Variants in SIPA1L1 observed in about 807,000 individuals in gnomAD.
SIPA1L1 encodes signal induced proliferation associated 1 like 1.
In SIPA1L1, 26 loss-of-function variants were observed where a neutral mutation model predicts 162.7. The ratio of observed to expected loss-of-function variants is 0.16; its 90% CI spans 0.12 to 0.22. The LOEUF (loss-of-function observed/expected upper bound fraction) is 0.22, where lower values mean the gene tolerates loss of function less well. Among genes scored for constraint, SIPA1L1 ranks in the 10% least tolerant of loss-of-function variants. The pLI is 1.00. For synonymous variants in SIPA1L1, 829 were observed against 837.4 expected, an observed-to-expected ratio of 0.99 and a Z score of 0.17; for missense variants, 1,874 against 2,241.0, an observed-to-expected ratio of 0.84 and a Z score of 3.31.
At chr14:71,544,599 T>C (rs529130059) in intron 4 of SIPA1L1, among the ~76,000 whole-genome samples, 29 of 152,328 alleles carry the variant, frequency 1.9e-4, no homozygotes, top group Middle Eastern at 3.4e-3. Context: ...TTTTGTCTTT[T>C]ACTTTTAGGT....
At chr14:71,324,989 G>A (rs952371428) in intron 2 of SIPA1L1, among the ~76,000 whole-genome samples, 2 of 152,170 alleles carry the variant, frequency 1.3e-5, no homozygotes, top group African/African-American at 2.4e-5. Context: ...ATCTGAGCCA[G>A]CAGAGAAGAA....
intron 2 of SIPA1L1, among the ~76,000 whole-genome samples, chr14:71,426,655 A>G (rs903486549): frequency 1.3e-5 from 2 of 151,730 alleles, no homozygotes; most frequent in Non-Finnish European, 2.9e-5. Context: ...ATGCCCAGCT[A>G]ATTTTTTTGT....
At chr14:71,401,606 T>A (rs2041677892) in intron 2 of SIPA1L1, among the ~76,000 whole-genome samples, 2 of 152,134 alleles carry the variant, frequency 1.3e-5, no homozygotes, top group East Asian at 3.8e-4. Context: ...TAAAACATTT[T>A]TCTTTATATT....
chr14:71,536,694 G>C (rs1464741807), intron 4 of SIPA1L1, among the ~76,000 whole-genome samples: 1 of 152,218 alleles, frequency 6.6e-6, no homozygotes, highest in East Asian at 1.9e-4. Flanking sequence ...ACAGTAGCTT[G>C]CTGGATTTCA....
At chr14:71,573,495 G>A (rs1490375475) in intron 4 of SIPA1L1, 2 of 450,040 alleles carry the variant, frequency 4.4e-6, no homozygotes, top group South Asian at 3.1e-5. Flanking sequence ...CAAGGATGTG[G>A]AGAAAGTTTG....
Position 71,413,535 on chromosome 14 carries a change from C to G in SIPA1L1, c.-465+92354C>G, listed in dbSNP as rs918115550. On this transcript the variant is annotated intron_variant, in intron 2 of 23. Transcript: ENST00000381232. ...GGTGGATCACCTGAGGTGAGGAGTT[C>G]AAGATTAGCCTGGCCAACATGGTGA... Among the ~76,000 whole-genome samples, 106 of 151,870 alleles carry G rather than the reference C, an allele frequency of 7.0e-4. 1 individual carries two copies. The highest frequency in any genetic ancestry group is 1.2e-4 in the Non-Finnish European group (8 of 67,920).
intron 5 of SIPA1L1, among the ~76,000 whole-genome samples, chr14:71,591,895 CTTTA>C (rs1487905064): frequency 6.6e-6 from 1 of 152,080 alleles, no homozygotes; most frequent in Non-Finnish European, 1.5e-5. Flanking sequence ...AATGACTTGC[CTTTA>C]TTAAGTTTGT....
At chr14:71,586,043 T>C (rs959281060) in intron 4 of SIPA1L1, among the ~76,000 whole-genome samples, 6 of 152,142 alleles carry the variant, frequency 3.9e-5, no homozygotes, top group Non-Finnish European at 8.8e-5. Flanking sequence ...AGTAGAAGTA[T>C]CTAGAAAGCT....
intron 7 of SIPA1L1, among the ~76,000 whole-genome samples, chr14:71,640,868 A>C (rs954590412): frequency 5.9e-5 from 9 of 152,038 alleles, no homozygotes; most frequent in Admixed American, 2.0e-4. Flanking sequence ...CAAGTGATCC[A>C]CCTGCCTTGG....
chr14:71,363,998 G>A (rs1215565517), intron 2 of SIPA1L1, among the ~76,000 whole-genome samples: 2 of 152,106 alleles, frequency 1.3e-5, no homozygotes, highest in Admixed American at 1.3e-4. Flanking sequence ...AAACTCTCTT[G>A]GTCTCAGAAA....
rs143049600 is a variant in SIPA1L1, at chr14:71,681,927, G to A, written c.3105-3435G>A. ...GTTTCAGCATGTCACCTCTTATCAC[G>A]TTTAGCATTGACATTGTAATTCCTG... On this transcript the variant is annotated intron_variant, in intron 12 of 23. Transcript: ENST00000381232. Among the ~76,000 whole-genome samples, 23 of 152,316 alleles carry A rather than the reference G, an allele frequency of 1.5e-4. No homozygotes were observed. The East Asian group carries it at 4.2e-3, about 28-fold the overall frequency.
At chr14:71,698,220 C>T (rs1281154735) in intron 13 of SIPA1L1, among the ~76,000 whole-genome samples, 2 of 152,136 alleles carry the variant, frequency 1.3e-5, no homozygotes, top group Non-Finnish European at 2.9e-5. Context: ...CTGTGGTTGC[C>T]GTGTTGCCTA....
At chr14:71,604,003 T>A (rs993924451) in intron 5 of SIPA1L1, among the ~76,000 whole-genome samples, 10 of 140,406 alleles carry the variant, frequency 7.1e-5, no homozygotes, top group African/African-American at 2.7e-4. Flanking sequence ...ATATATAAAT[T>A]TTTTTTTTTT....
At chr14:71,582,512 T>A (rs2034072459) in intron 4 of SIPA1L1, among the ~76,000 whole-genome samples, 1 of 152,176 alleles carries the variant, frequency 6.6e-6, no homozygotes, top group African/African-American at 2.4e-5. Context: ...CACTGAACTT[T>A]TTTAGCTACG....
intron 2 of SIPA1L1, among the ~76,000 whole-genome samples, chr14:71,463,188 A>G (rs369463723): frequency 2.6e-5 from 4 of 151,950 alleles, no homozygotes; most frequent in East Asian, 1.9e-4. Flanking sequence ...TTGATTTACT[A>G]TTTTTCTAGG....
intron 13 of SIPA1L1, among the ~76,000 whole-genome samples, chr14:71,695,673 G>A (rs143216796): frequency 3.4e-4 from 51 of 152,220 alleles, no homozygotes; most frequent in African/African-American, 1.1e-3. Flanking sequence ...ACCCCTACAC[G>A]TTGCATTAAT....
At chr14:71,717,425 A>G (rs1597193514) in intron 17 of SIPA1L1, among the ~76,000 whole-genome samples, 2 of 152,224 alleles carry the variant, frequency 1.3e-5, no homozygotes, top group Admixed American at 1.3e-4. Flanking sequence ...CTCACTTCTT[A>G]TACATTGAGA....
chr14:71,660,241 A>G (rs552952449), intron 9 of SIPA1L1, among the ~76,000 whole-genome samples: 1 of 152,290 alleles, frequency 6.6e-6, no homozygotes, highest in East Asian at 1.9e-4. Flanking sequence ...CTGTAGAGCA[A>G]TCAATACACA....
intron 5 of SIPA1L1, among the ~76,000 whole-genome samples, chr14:71,608,234 T>G (rs537566937): frequency 6.6e-6 from 1 of 152,218 alleles, no homozygotes; most frequent in African/African-American, 2.4e-5. Flanking sequence ...TAGATTTTGC[T>G]AAGTGTTTGG....
Sources: allele counts gnomAD v4.1 joint callset (sites outside exome capture counted in the v4.1 genomes callset), GRCh38; gene constraint gnomAD v4.1.1; transcripts MANE v1.5; gene names NCBI Gene and HGNC (gene_info 2026-07-23, HGNC 2026-07-21).